Variants in STRADA observed in about 807,000 individuals in gnomAD.
STRADA encodes STE20-related kinase adapter protein alpha.
In STRADA, 26 loss-of-function variants were observed where a neutral mutation model predicts 55.0. That is an observed-to-expected ratio of 0.47 (90% confidence interval 0.35 to 0.66). STRADA has a LOEUF of 0.66. STRADA is among the 30% of genes least tolerant of loss of function. The pLI, the probability that STRADA is intolerant of heterozygous loss-of-function variation, is 0.01. For missense variants in STRADA, 443 were observed against 549.7 expected (o/e 0.81, Z 1.94); for synonymous variants, 197 against 210.9 (o/e 0.93, Z 0.57).
intron 6 of STRADA, 143 bp downstream of exon 6, chr17:63,713,263 T>C (rs1388256284): frequency 1.8e-6 from 2 of 1,101,470 alleles, no homozygotes; most frequent in Non-Finnish European, 2.6e-6. Flanking sequence ...CAATCCTTAG[T>C]GCCAAATGGC....
At chr17:63,726,923 T>C (rs2037701081) in intron 2 of STRADA, 1 of 580,556 alleles carries the variant, frequency 1.7e-6, no homozygotes, top group Non-Finnish European at 3.0e-6. Flanking sequence ...ATTTGACAGA[T>C]GAGAAATAGA....
At chr17:63,733,002 C>T (rs549180907) in intron 1 of STRADA, among the ~76,000 whole-genome samples, 1 of 152,332 alleles carries the variant, frequency 6.6e-6, no homozygotes, top group South Asian at 2.1e-4. Flanking sequence ...ATTCTCCTGC[C>T]TCGGCCTCCC....
chr17:63,723,704 C>G (rs181937308), intron 3 of STRADA: 185 of 169,890 alleles, frequency 1.1e-3, no homozygotes, highest in African/African-American at 4.1e-3. Context: ...TATATAGTTA[C>G]AGAGATGGTT....
intron 1 of STRADA, among the ~76,000 whole-genome samples, chr17:63,736,813 A>T (rs1207838339): frequency 6.7e-6 from 1 of 149,140 alleles, no homozygotes; most frequent in African/African-American, 2.5e-5. Flanking sequence ...GACAGGGTGG[A>T]AAGTGGCCTA....
chr17:63,734,741 CAT>C (rs888348627), intron 1 of STRADA, among the ~76,000 whole-genome samples: 24 of 152,302 alleles, frequency 1.6e-4, no homozygotes, highest in Admixed American at 9.2e-4. Flanking sequence ...GCATTTACCA[CAT>C]GTGTATTTCA....
At position 63,706,692 on chromosome 17, in the gene STRADA, GATTCCC is replaced by G; in HGVS notation, c.795_800del (p.Gly266_Ile267del). 6.2e-7 allele frequency: 1 copy of G among 1,614,098 alleles called. No homozygotes were observed. The highest frequency in any genetic ancestry group is 8.5e-7 in the Non-Finnish European group (1 of 1,179,944). On this transcript the variant is annotated inframe_deletion, in exon 10 of 13. Coordinates refer to ENST00000336174, the MANE Select transcript of STRADA (RefSeq NM_001003787.4). ...GGCCGTTGGCCAGTTCACAGGCTGT[GATTCCC>G]ACACTGTAGATGTCAGACTTGGCAT... is the stretch of plus-strand genomic sequence containing the variant.
chr17:63,709,705 T>C (rs2036356859), intron 8 of STRADA, among the ~76,000 whole-genome samples: 1 of 152,248 alleles, frequency 6.6e-6, no homozygotes, highest in African/African-American at 2.4e-5. Flanking sequence ...ACATTTTACA[T>C]AGAAGCCTTT....
At chr17:63,706,472 A>G in intron 10 of STRADA, 163 bp downstream of exon 10, 1 of 618,702 alleles carries the variant, frequency 1.6e-6, no homozygotes, top group South Asian at 2.5e-5. Context: ...GGAAGTAAAC[A>G]AAGAGTGAGG....
chr17:63,706,671 G>A lies in STRADA; in HGVS notation c.822C>T (p.Asn274=), dbSNP rs764697984. 223 of 1,613,906 alleles carry A rather than the reference G, an allele frequency of 1.4e-4. No homozygotes were observed. The East Asian group carries it at 4.0e-3, about 29-fold the overall frequency. The change falls in exon 10 of 13, where the codon AAC becomes AAT. Residue 274 remains asparagine (N), a synonymous_variant. Coordinates refer to ENST00000336174, the MANE Select transcript of STRADA (RefSeq NM_001003787.4). ...GCATATCCTTAAAGGGGACATGGCC[G>A]TTGGCCAGTTCACAGGCTGTGATTC... The part of the protein sequence containing the change: ...SVGITACELA[N]GHVPFKDMPA...
chr17:63,720,219 A>T (rs11654335), intron 4 of STRADA, among the ~76,000 whole-genome samples: 41,935 of 150,638 alleles, frequency 0.28, 6,166 homozygotes, highest in Middle Eastern at 0.37. Context: ...CTGTCTCCCA[A>T]GCTGGAGTGC....
At chr17:63,732,654 G>T (rs939270127) in intron 1 of STRADA, among the ~76,000 whole-genome samples, 11 of 152,104 alleles carry the variant, frequency 7.2e-5, no homozygotes, top group Non-Finnish European at 1.2e-4. Flanking sequence ...AATTAGCCAG[G>T]CATGGTGGCA....
intron 1 of STRADA, among the ~76,000 whole-genome samples, chr17:63,730,903 A>G (rs544611445): frequency 5.3e-5 from 8 of 151,752 alleles, no homozygotes; most frequent in African/African-American, 1.9e-4. Context: ...CAGCCTCCCA[A>G]AGTGCTAGGA....
chr17:63,738,270 G>A (rs1329002091), intron 1 of STRADA, among the ~76,000 whole-genome samples: 2 of 149,674 alleles, frequency 1.3e-5, no homozygotes, highest in African/African-American at 2.5e-5. Context: ...GAAACCGGGA[G>A]GCGGAGGTTG....
intron 6 of STRADA, among the ~76,000 whole-genome samples, chr17:63,712,256 G>T (rs893731164): frequency 5.3e-5 from 8 of 152,120 alleles, no homozygotes; most frequent in African/African-American, 1.7e-4. Context: ...CAGGGACTCA[G>T]TCTGTCACCC....
intron 3 of STRADA, chr17:63,726,275 C>T (rs1472299208): frequency 5.4e-6 from 1 of 183,818 alleles, no homozygotes; most frequent in Non-Finnish European, 1.1e-5. Flanking sequence ...CTAGATTCAT[C>T]AATAAAACCA....
chr17:63,740,149 C>CCCAT, intron 1 of STRADA, among the ~76,000 whole-genome samples: 1 of 46,804 alleles, frequency 2.1e-5, no homozygotes, highest in East Asian at 9.2e-4. Flanking sequence ...TATATATATA[C>CCCAT]ACACACACAC....
chr17:63,713,651 CT>C (rs372143780), intron 5 of STRADA, 124 bp from the exon 6 acceptor site: 88,723 of 859,576 alleles, frequency 0.1, 26 homozygotes, highest in South Asian at 0.14. Flanking sequence ...ACTACTGTTA[CT>C]TTTTTTTTTT....
chr17:63,726,759 C>T, intron 2 of STRADA, 64 bp from the exon 3 acceptor site: 1 of 1,530,142 alleles, frequency 6.5e-7, no homozygotes, highest in Non-Finnish European at 9.0e-7. Flanking sequence ...TAGCTATCAG[C>T]CTTTAGACAG....
Position 63,703,532 on chromosome 17 carries a change from C to A in STRADA, c.*67G>T. The A allele has an allele frequency of 6.8e-7, 1 of 1,478,896 alleles. No homozygotes were observed. The highest frequency in any genetic ancestry group is 1.3e-5 in the South Asian group (1 of 79,398). 91.6% of individuals were successfully genotyped at this position (1,478,896 alleles called of 1,614,324 possible). A position where few individuals can be genotyped will look rare whatever the true frequency, so the allele number is the denominator to read the frequency against. Reference sequence around the variant, plus strand: ...CCCAGGAGGGCGGGAATGTGGCCGGCCCTCAGGAAGGGCCTCTGGGTGGCC... The same window carrying A: ...CCCAGGAGGGCGGGAATGTGGCCGGACCTCAGGAAGGGCCTCTGGGTGGCC... On this transcript the variant is annotated 3_prime_UTR_variant, in exon 13 of 13. Coordinates refer to ENST00000336174, the MANE Select transcript of STRADA (RefSeq NM_001003787.4).
Sources: allele counts gnomAD v4.1 joint callset (sites outside exome capture counted in the v4.1 genomes callset), GRCh38; gene constraint gnomAD v4.1.1; transcripts MANE v1.5; gene names NCBI Gene and HGNC (gene_info 2026-07-23, HGNC 2026-07-21).